Variants in ATAD2 observed in about 807,000 individuals in gnomAD.
ATAD2 encodes ATPase family AAA domain containing 2, also known as ATPase family AAA domain-containing protein 2.
In ATAD2, 62 loss-of-function variants were observed where a neutral mutation model predicts 168.9. The ratio of observed to expected loss-of-function variants is 0.37; its 90% CI spans 0.30 to 0.45. The LOEUF is 0.45. Among genes scored for constraint, ATAD2 ranks in the 20% least tolerant of loss-of-function variants. The probability of loss-of-function intolerance (pLI) is 1.00; values close to 1 mark genes in which losing one functional copy is unlikely to be tolerated. For missense variants in ATAD2, 1,419 were observed against 1,667.8 expected (o/e 0.85, Z 2.60); for synonymous variants, 613 against 571.6 (o/e 1.07, Z -1.03).
At chr8:123,397,453 G>A (rs144537791), upstream of ATAD2, among the ~76,000 whole-genome samples, 255 of 152,246 alleles carry the variant, frequency 1.7e-3, no homozygotes, top group African/African-American at 6.0e-3. Flanking sequence ...TGCTCAATAA[G>A]CGTTCGCTAT....
chr8:123,346,050 C>A, intron 18 of ATAD2, 36 bp downstream of exon 18: 1 of 1,384,364 alleles, frequency 7.2e-7, no homozygotes, highest in South Asian at 1.9e-5. Flanking sequence ...CCTCTGAAAG[C>A]CTGTTTTGTC....
intron 24 of ATAD2, among the ~76,000 whole-genome samples, chr8:123,329,981 CTTTTTTTT>C (rs71310666): frequency 4.6e-4 from 46 of 100,296 alleles, no homozygotes; most frequent in Admixed American, 5.5e-4. Flanking sequence ...CCAGTGGCTT[CTTTTTTTT>C]TTTTTTTTTT....
chr8:123,372,568 C>A, intron 3 of ATAD2, 69 bp downstream of exon 3: 1 of 1,245,184 alleles, frequency 8.0e-7, no homozygotes, highest in Non-Finnish European at 1.1e-6. Flanking sequence ...TTGTAGGTAC[C>A]TCAAAAAACC....
intron 1 of ATAD2, among the ~76,000 whole-genome samples, chr8:123,386,027 A>G (rs1353700657): frequency 1.3e-5 from 2 of 152,090 alleles, no homozygotes; most frequent in Non-Finnish European, 2.9e-5. Context: ...TCACAAAAAA[A>G]AAAAAAAAGG....
intron 2 of ATAD2, among the ~76,000 whole-genome samples, chr8:123,376,529 G>C (rs918202239): frequency 1.3e-5 from 2 of 151,822 alleles, no homozygotes; most frequent in African/African-American, 4.8e-5. Context: ...ACTCCAGTCT[G>C]GTCAACAGAG....
At chr8:123,360,929 A>T (rs1232530430) in intron 9 of ATAD2, among the ~76,000 whole-genome samples, 2 of 147,344 alleles carry the variant, frequency 1.4e-5, no homozygotes. Context: ...ACTTATCATT[A>T]TTATAAGCAA....
At chr8:123,410,544 C>A (rs1240394990) in intron 1 of ATAD2, among the ~76,000 whole-genome samples, 1 of 79,078 alleles carries the variant, frequency 1.3e-5, no homozygotes, top group African/African-American at 4.2e-5. Context: ...GCCTTGGCCT[C>A]CCAAAGTGTG....
At chr8:123,403,594 G>A (rs954431924) in intron 1 of ATAD2, among the ~76,000 whole-genome samples, 67 of 152,050 alleles carry the variant, frequency 4.4e-4, no homozygotes, top group African/African-American at 1.4e-3. Context: ...GCACCACCAC[G>A]CCAGGATGGG....
chr8:123,371,072 A>G (rs1829136876), intron 5 of ATAD2, 82 bp from the exon 6 acceptor site: 1 of 1,205,132 alleles, frequency 8.3e-7, no homozygotes. Flanking sequence ...ATCTTGTTTA[A>G]AATTAAGATA....
intron 2 of ATAD2, among the ~76,000 whole-genome samples, chr8:123,373,413 T>C (rs964697509): frequency 4.6e-5 from 7 of 152,122 alleles, no homozygotes; most frequent in Non-Finnish European, 4.4e-5. Context: ...GTATTTCTTA[T>C]ATTCTATAAT....
chr8:123,396,843 T>C (rs1239689591), upstream of ATAD2, among the ~76,000 whole-genome samples: 1 of 151,876 alleles, frequency 6.6e-6, no homozygotes, highest in Non-Finnish European at 1.5e-5. Context: ...CTTCCCGCCA[T>C]CCAGGATTCA....
intron 22 of ATAD2, among the ~76,000 whole-genome samples, chr8:123,335,742 C>A (rs1024736121): frequency 3.4e-4 from 52 of 152,138 alleles, no homozygotes; most frequent in African/African-American, 1.3e-3. Context: ...CAGGCACAGA[C>A]TGCACATGAA....
chr8:123,332,398 T>A (rs988763757), intron 24 of ATAD2, among the ~76,000 whole-genome samples: 1 of 152,192 alleles, frequency 6.6e-6, no homozygotes, highest in Non-Finnish European at 1.5e-5. Flanking sequence ...ACATTCCAAA[T>A]CACCCTTATT....
chr8:123,402,815 C>CAATAATAATAAT lies in ATAD2; in HGVS notation c.-2281-1652_-2281-1641dup, dbSNP rs59837172. On this transcript the variant is annotated intron_variant, in intron 1 of 28. Transcript: ENST00000521903. This position sits in a 1 kb window ranked among gnomAD's most constrained non-coding sequence, Gnocchi z 4.8. ...GAATAAATCAAGCAGGTCTCAATGC[C>CAATAATAATAAT]AATAATAATAATAATAATAATAATA... 7.1e-4 allele frequency among the ~76,000 whole-genome samples: 37 copies of CAATAATAATAAT among 51,768 alleles called. No homozygotes were observed. Among genetic ancestry groups the CAATAATAATAAT allele is most frequent in the East Asian group, 4.5e-3 (1 of 220 alleles). The allele number at this position is 51,768 out of a possible 152,430, so 34.0% of individuals were successfully genotyped here. A position where few individuals can be genotyped will look rare whatever the true frequency, so the allele number is the denominator to read the frequency against.
intron 1 of ATAD2, among the ~76,000 whole-genome samples, chr8:123,385,927 C>T (rs554405670): frequency 7.3e-5 from 11 of 150,638 alleles, no homozygotes; most frequent in African/African-American, 2.7e-4. Flanking sequence ...AGCCAATAAA[C>T]ACATGAAAAG....
chr8:123,361,488 T>A (rs769916032), intron 9 of ATAD2, 51 bp downstream of exon 9: 5 of 1,481,404 alleles, frequency 3.4e-6, no homozygotes, highest in Non-Finnish European at 4.7e-6. Context: ...TTCTTAGCAA[T>A]TTTTACAAAA....
intron 13 of ATAD2, 124 bp from the exon 14 acceptor site, chr8:123,349,568 A>G (rs982742220): frequency 1.2e-6 from 1 of 851,334 alleles, no homozygotes; most frequent in African/African-American, 1.8e-5. Context: ...AGGGCACCTC[A>G]CTATTTCCAA....
intron 19 of ATAD2, among the ~76,000 whole-genome samples, chr8:123,343,534 C>T (rs1563840061): frequency 6.6e-6 from 1 of 152,102 alleles, no homozygotes; most frequent in African/African-American, 2.4e-5. Flanking sequence ...ATAAATATTT[C>T]TTTAGTAAGT....
At chr8:123,351,358 G>T (rs907649597) in intron 13 of ATAD2, among the ~76,000 whole-genome samples, 6 of 152,148 alleles carry the variant, frequency 3.9e-5, no homozygotes, top group African/African-American at 1.2e-4. Flanking sequence ...GTACGTGTAA[G>T]ATGTTTAACA....
Sources: allele counts gnomAD v4.1 joint callset (sites outside exome capture counted in the v4.1 genomes callset), GRCh38; gene constraint gnomAD v4.1.1; non-coding constraint Gnocchi (gnomAD v3.1); transcripts MANE v1.5; gene names NCBI Gene and HGNC (gene_info 2026-07-23, HGNC 2026-07-21).